Variants in HEMK2 observed in about 807,000 individuals in gnomAD.
HEMK2 encodes the protein methyltransferase HEMK2.
chr21:28,611,583 G>A, the HEMK2 span, among the ~76,000 whole-genome samples: 1 of 152,064 alleles, frequency 6.6e-6, no homozygotes, highest in East Asian at 1.9e-4. Flanking sequence ...GACTGAAACA[G>A]TAATTTAAAA....
chr21:28,878,836 G>C, the HEMK2 span, among the ~76,000 whole-genome samples: 2 of 150,832 alleles, frequency 1.3e-5, no homozygotes, highest in African/African-American at 4.9e-5. Flanking sequence ...CAGAAACAAA[G>C]TTTCAAAATG....
chr21:28,837,578 G>A, the HEMK2 span, among the ~76,000 whole-genome samples: 22,305 of 151,934 alleles, frequency 0.15, 3,093 homozygotes, highest in African/African-American at 0.35. Flanking sequence ...CCCTAAACAC[G>A]TACATCAAAA....
At chr21:28,831,043 A>G in the HEMK2 span, among the ~76,000 whole-genome samples, 1 of 152,150 alleles carries the variant, frequency 6.6e-6, no homozygotes, top group African/African-American at 2.4e-5. Flanking sequence ...TGAGCCCAGG[A>G]CCACTGGTAT....
the HEMK2 span, among the ~76,000 whole-genome samples, chr21:28,653,753 T>C: frequency 7.0e-4 from 107 of 152,278 alleles, no homozygotes; most frequent in Non-Finnish European, 1.2e-3. Flanking sequence ...GTTTAGTTCA[T>C]TGGACTATAA....
chr21:28,827,582 AAATG>A, the HEMK2 span, among the ~76,000 whole-genome samples: 1 of 152,194 alleles, frequency 6.6e-6, no homozygotes, highest in Non-Finnish European at 1.5e-5. Context: ...AATCAAGGGG[AAATG>A]AATCACAGTG....
At chr21:28,654,906 T>C in the HEMK2 span, among the ~76,000 whole-genome samples, 1 of 152,088 alleles carries the variant, frequency 6.6e-6, no homozygotes, top group African/African-American at 2.4e-5. Context: ...CCTGCTTACT[T>C]GAATATCTAT....
At chr21:28,848,323 T>G in the HEMK2 span, among the ~76,000 whole-genome samples, 2 of 152,186 alleles carry the variant, frequency 1.3e-5, no homozygotes, top group Non-Finnish European at 2.9e-5. Flanking sequence ...ATTCTAACTG[T>G]AGAAAATTCT....
chr21:28,877,856 C>T, the HEMK2 span, among the ~76,000 whole-genome samples: 1 of 152,154 alleles, frequency 6.6e-6, no homozygotes, highest in Middle Eastern at 3.4e-3. Flanking sequence ...GAGTACAGCA[C>T]AATTGTCAAG....
chr21:28,882,596 T>C, the HEMK2 span, among the ~76,000 whole-genome samples: 5 of 123,954 alleles, frequency 4.0e-5, no homozygotes, highest in Admixed American at 2.5e-4. Flanking sequence ...CGAAATTAAA[T>C]TAAAAACACA....
the HEMK2 span, among the ~76,000 whole-genome samples, chr21:28,832,363 C>A: frequency 6.6e-6 from 1 of 152,150 alleles, no homozygotes. Context: ...GTCTCTGTTA[C>A]CTGGAGTCTT....
At chr21:28,748,477 T>C in the HEMK2 span, among the ~76,000 whole-genome samples, 1 of 152,240 alleles carries the variant, frequency 6.6e-6, no homozygotes. Flanking sequence ...GCAGTGACAT[T>C]GCTCTTCACA....
the HEMK2 span, among the ~76,000 whole-genome samples, chr21:28,722,983 C>T: frequency 6.6e-6 from 1 of 152,036 alleles, no homozygotes; most frequent in East Asian, 1.9e-4. Context: ...TTCAGAACTC[C>T]ATACAGGCCT....
chr21:28,662,894 T>C, the HEMK2 span, among the ~76,000 whole-genome samples: 1 of 152,084 alleles, frequency 6.6e-6, no homozygotes, highest in Non-Finnish European at 1.5e-5. Flanking sequence ...TACACCGACA[T>C]ACTCTCTTAT....
chr21:28,621,194 G>C, the HEMK2 span, among the ~76,000 whole-genome samples: 1 of 152,088 alleles, frequency 6.6e-6, no homozygotes, highest in South Asian at 2.1e-4. Flanking sequence ...TTTCTCCTGT[G>C]GGCATTTAGT....
At chr21:28,620,871 A>C in the HEMK2 span, among the ~76,000 whole-genome samples, 1 of 151,242 alleles carries the variant, frequency 6.6e-6, no homozygotes, top group Non-Finnish European at 1.5e-5. Flanking sequence ...ACAGGGTTTC[A>C]CCATGTTGGC....
the HEMK2 span, among the ~76,000 whole-genome samples, chr21:28,843,660 C>A: frequency 1.3e-5 from 2 of 152,114 alleles, no homozygotes; most frequent in South Asian, 4.1e-4. Flanking sequence ...AGCTTAAAGA[C>A]CTTCTTGATT....
At chr21:28,627,398 G>T in the HEMK2 span, among the ~76,000 whole-genome samples, 1 of 152,156 alleles carries the variant, frequency 6.6e-6, no homozygotes, top group Non-Finnish European at 1.5e-5. Context: ...AAATTAAAAT[G>T]TGCTCTGAGC....
At chr21:28,785,209 C>T in the HEMK2 span, among the ~76,000 whole-genome samples, 16 of 152,296 alleles carry the variant, frequency 1.1e-4, no homozygotes, top group South Asian at 8.3e-4. Context: ...TAACACTCAC[C>T]GCAAGGGTCC....
chr21:28,790,984 A>AT, the HEMK2 span, among the ~76,000 whole-genome samples: 1 of 152,206 alleles, frequency 6.6e-6, no homozygotes, highest in African/African-American at 2.4e-5. Flanking sequence ...AAGTATAATA[A>AT]TAAAAAAAAG....
Sources: allele counts gnomAD v4.1 joint callset (sites outside exome capture counted in the v4.1 genomes callset), GRCh38; gene constraint gnomAD v4.1.1; transcripts MANE v1.5; gene names NCBI Gene and HGNC (gene_info 2026-07-23, HGNC 2026-07-21).